GALNT18: variants seen among roughly 807,000 people sequenced by gnomAD.
GALNT18 encodes the protein polypeptide N-acetylgalactosaminyltransferase 18, also known as GalNAc-transferase 18.
GALNT18 carries 44 observed loss-of-function variants against 69.5 expected under a neutral mutation model. That is an observed-to-expected ratio of 0.63 (90% CI 0.50 to 0.81). The LOEUF is 0.81. Among genes scored for constraint, GALNT18 ranks in the 40% least tolerant of loss-of-function variants. The pLI is 0.00. For missense variants in GALNT18, 715 were observed against 810.0 expected (o/e 0.88, Z 1.42); for synonymous variants, 364 against 318.2 (o/e 1.14, Z -1.53).
chr11:11,281,394 G>A (rs61872380), intron 10 of GALNT18, among the ~76,000 whole-genome samples: 19,682 of 152,192 alleles, frequency 0.13, 1,433 homozygotes, highest in South Asian at 0.21. Context: ...CGTACGGATC[G>A]GAGGATCAGG....
At chr11:11,293,530 CCTCT>C (rs1189211372) in intron 9 of GALNT18, among the ~76,000 whole-genome samples, 2 of 120,458 alleles carry the variant, frequency 1.7e-5, no homozygotes, top group African/African-American at 3.1e-5. Flanking sequence ...TTTACAAACC[CCTCT>C]TTTTTTTTTT....
At chr11:11,349,438 A>G (rs1564904751) in intron 6 of GALNT18, among the ~76,000 whole-genome samples, 1 of 152,188 alleles carries the variant, frequency 6.6e-6, no homozygotes, top group Non-Finnish European at 1.5e-5. Flanking sequence ...ATTGCTTCCT[A>G]TCCTTGCCAA....
rs1343256447 is a variant in GALNT18, at chr11:11,396,384, G to T, written c.596-17120C>A. ...TAAATGATGTCATCAGCAGTGGGGG[G>T]AGGAGAAACGCATGAAATGGGTTAC... On this transcript the variant is annotated intron_variant, in intron 3 of 10. Coordinates refer to ENST00000227756, the MANE Select transcript of GALNT18 (RefSeq NM_198516.3). This position sits in a 1 kb window ranked among gnomAD's most constrained non-coding sequence, Gnocchi z 5.2. Among the ~76,000 whole-genome samples the T allele has an allele frequency of 6.6e-6, 1 of 152,136 alleles. No individual in the cohort carries two copies. The highest frequency in any genetic ancestry group is 1.5e-5 in the Non-Finnish European group (1 of 68,024).
intron 6 of GALNT18, among the ~76,000 whole-genome samples, chr11:11,366,461 T>C (rs181807701): frequency 6.6e-6 from 1 of 152,334 alleles, no homozygotes; most frequent in Admixed American, 6.5e-5. Context: ...TTTCTTCTTG[T>C]TATCTTTACT....
chr11:11,313,755 T>C (rs1412517751), intron 9 of GALNT18, among the ~76,000 whole-genome samples: 1 of 152,220 alleles, frequency 6.6e-6, no homozygotes, highest in Non-Finnish European at 1.5e-5. Flanking sequence ...ATACCTGCCT[T>C]AAGCCCCAGT....
rs1235991560 is a variant in GALNT18 at position 11,621,673 on chromosome 11, G to A, written c.-80C>T. On this transcript the variant is annotated 5_prime_UTR_variant, in exon 1 of 11. The change creates a new upstream start codon in the 5' untranslated region. Coordinates refer to ENST00000227756, the MANE Select transcript of GALNT18 (RefSeq NM_198516.3). The surrounding 1 kb of genome is among the most constrained non-coding windows in gnomAD (Gnocchi z 9.3). ...CCGAACTCCCCCGCGCTCGCACCCC[G>A]TAGCACGTCCGGAGCCGCTGGGCAC... 1.8e-6 allele frequency: 2 copies of A among 1,093,748 alleles called. No individual in the cohort carries two copies. Among genetic ancestry groups the A allele is most frequent in the Non-Finnish European group, 1.3e-6 (1 of 750,112 alleles). 67.8% of individuals were successfully genotyped at this position (1,093,748 alleles called of 1,614,324 possible).
intron 1 of GALNT18, among the ~76,000 whole-genome samples, chr11:11,479,856 C>A (rs1293605189): frequency 6.6e-6 from 1 of 152,086 alleles, no homozygotes; most frequent in Non-Finnish European, 1.5e-5. Flanking sequence ...AAAATCCAGG[C>A]CAGAAACATG....
In GALNT18 at chr11:11,320,746, C is replaced by G. The variant is rs1198081341; in HGVS notation, c.1512+6340G>C. Among the ~76,000 whole-genome samples the G allele has an allele frequency of 2.0e-5, 3 of 152,218 alleles. No homozygotes were observed. Among genetic ancestry groups the G allele is most frequent in the African/African-American group, 7.2e-5 (3 of 41,456 alleles). ...TCATGGGTGGATGTAGGAGCTCAGG[C>G]TGGGAATACCCAGCCCGTCCCCAGG... On this transcript the variant is annotated intron_variant, in intron 9 of 10. Coordinates refer to ENST00000227756, the MANE Select transcript of GALNT18 (RefSeq NM_198516.3). This position sits in a 1 kb window ranked among gnomAD's most constrained non-coding sequence, Gnocchi z 4.9.
At chr11:11,451,812 GT>G (rs1432305511) in intron 1 of GALNT18, among the ~76,000 whole-genome samples, 1 of 152,214 alleles carries the variant, frequency 6.6e-6, no homozygotes, top group African/African-American at 2.4e-5. Context: ...AAGTGAAAAG[GT>G]TAAATGTCTA....
rs916430701 is a variant in GALNT18 at position 11,332,555 on chromosome 11, A to G, written c.1416+139T>C. 51 of 895,184 alleles carry G rather than the reference A, an allele frequency of 5.7e-5. No homozygotes were observed. The highest frequency in any genetic ancestry group is 1.2e-4 in the Admixed American group (5 of 42,852). The allele number at this position is 895,184 out of a possible 1,614,324, so 55.5% of individuals were successfully genotyped here. On this transcript the variant is annotated intron_variant, in intron 8 of 10. Transcript: ENST00000227756. This position sits in a 1 kb window ranked among gnomAD's most constrained non-coding sequence, Gnocchi z 4.3. ...AAAGTAAAGGCTGTCTTGCAGGTGC[A>G]GAACCCAGCGCCCGGTCCCCAGGCC...
chr11:11,398,834 C>T (rs772741907), intron 3 of GALNT18, among the ~76,000 whole-genome samples: 34 of 152,274 alleles, frequency 2.2e-4, no homozygotes, highest in Admixed American at 8.5e-4. Flanking sequence ...AGTGGAAGAA[C>T]AATGTCCCAG....
intron 1 of GALNT18, among the ~76,000 whole-genome samples, chr11:11,477,527 T>G (rs1344465607): frequency 6.6e-6 from 1 of 152,150 alleles, no homozygotes; most frequent in African/African-American, 2.4e-5. Flanking sequence ...CTCTCCCTCC[T>G]CCTTTCTAGA....
chr11:11,516,182 A>G (rs1857271858), intron 1 of GALNT18, among the ~76,000 whole-genome samples: 1 of 152,246 alleles, frequency 6.6e-6, no homozygotes. Context: ...GTGTAGGGAC[A>G]GGGAGCACAG....
intron 9 of GALNT18, among the ~76,000 whole-genome samples, chr11:11,316,533 A>T (rs2133035076): frequency 6.6e-6 from 1 of 152,206 alleles, no homozygotes; most frequent in Non-Finnish European, 1.5e-5. Context: ...TTTCATCTCA[A>T]CTCTAATCTT....
At chr11:11,345,260 G>A (rs1428229150) in intron 6 of GALNT18, among the ~76,000 whole-genome samples, 3 of 152,254 alleles carry the variant, frequency 2.0e-5, no homozygotes, top group Non-Finnish European at 4.4e-5. Flanking sequence ...TTTGCAGCCA[G>A]AAGATGTGGA....
At position 11,293,018 on chromosome 11, in the gene GALNT18, G is replaced by A. The variant is rs112243920; in HGVS notation, c.1677+11C>T. On this transcript the variant is annotated intron_variant, in intron 10 of 10. Coordinates refer to ENST00000227756, the MANE Select transcript of GALNT18 (RefSeq NM_198516.3). ...ATGGCTGCCACTGTGCCCGGGCTCT[G>A]GGGCTGTTACCTGAGAGAACTGCCA... The A allele has an allele frequency of 4.9e-4, 669 of 1,361,568 alleles. 4 individuals are homozygous for A. In the African/African-American group the frequency reaches 8.6e-3, roughly 18 times the overall value. 84.3% of individuals were successfully genotyped at this position (1,361,568 alleles called of 1,614,324 possible).
At chr11:11,342,780 G>C (rs1052246115) in intron 6 of GALNT18, among the ~76,000 whole-genome samples, 3 of 152,212 alleles carry the variant, frequency 2.0e-5, no homozygotes, top group Non-Finnish European at 4.4e-5. Context: ...TCCTGGCTCT[G>C]CTCCATGCCT....
At chr11:11,386,931 T>A (rs1028392940) in intron 3 of GALNT18, among the ~76,000 whole-genome samples, 8 of 152,032 alleles carry the variant, frequency 5.3e-5, no homozygotes, top group Non-Finnish European at 8.8e-5. Context: ...CAGCAAAGAG[T>A]CTGATTCAAT....
Position 11,620,720 on chromosome 11 carries a change from G to A in GALNT18, c.235+639C>T, listed in dbSNP as rs1860171333. On this transcript the variant is annotated intron_variant, in intron 1 of 10. Coordinates refer to ENST00000227756, the MANE Select transcript of GALNT18 (RefSeq NM_198516.3). The surrounding 1 kb of genome is among the most constrained non-coding windows in gnomAD (Gnocchi z 6.9). ...GACACCTGCTCCTGGAGAGGGTCCT[G>A]GACCCGCGGGCTGTGGTGGGGGTAG... is the stretch of plus-strand genomic sequence containing the variant. 6.6e-6 allele frequency among the ~76,000 whole-genome samples: 1 copy of A among 152,142 alleles called. No individual in the cohort carries two copies. Among genetic ancestry groups the A allele is most frequent in the Non-Finnish European group, 1.5e-5 (1 of 68,018 alleles).
Sources: gnomAD v4.1 joint callset for allele counts (sites outside exome capture counted in the v4.1 genomes callset) on GRCh38, gnomAD v4.1.1 for gene constraint, Gnocchi (gnomAD v3.1) non-coding constraint, MANE v1.5 for transcripts, NCBI Gene and HGNC (gene_info 2026-07-23, HGNC 2026-07-21) for gene names.